Variants in HPS4 observed in about 807,000 individuals in gnomAD.
HPS4 encodes HPS4 biogenesis of lysosomal organelles complex 3 subunit 2, also known as BLOC-3 complex member HPS4.
In HPS4, 44 loss-of-function variants were observed where a neutral mutation model predicts 70.3. That is an observed-to-expected ratio of 0.63 (90% confidence interval 0.49 to 0.80). The LOEUF (loss-of-function observed/expected upper bound fraction) is 0.80. Among genes scored for constraint, HPS4 ranks in the 30% least tolerant of loss-of-function variants. The probability of loss-of-function intolerance (pLI) is 0.00; values close to 1 mark genes in which losing one functional copy is unlikely to be tolerated. For synonymous variants in HPS4, 377 were observed against 355.9 expected, an observed-to-expected ratio of 1.06 and a Z score of -0.67; for missense variants, 873 against 884.4, an observed-to-expected ratio of 0.99 and a Z score of 0.16.
At chr22:26,469,991 GGGAGGATCT>G in intron 7 of HPS4, among the ~76,000 whole-genome samples, 1 of 152,380 alleles carries the variant, frequency 6.6e-6, no homozygotes, top group Admixed American at 6.5e-5. Context: ...GGCGAAAGAA[GGGAGGATCT>G]GGGGCCGAGC....
At position 26,472,346 on chromosome 22, in the gene HPS4, G is replaced by A. The variant is rs765185989; in HGVS notation, c.457C>T (p.Leu153=). The A allele has an allele frequency of 3.1e-6, 5 of 1,613,442 alleles. No individual in the cohort carries two copies. Among genetic ancestry groups the A allele is most frequent in the Non-Finnish European group, 4.2e-6 (5 of 1,179,450 alleles). The part of the protein sequence containing the change: ...IEQILKNTSD[L]HKIFNSLWNL... ...CAGAGGGAATTGAAAATCTTATGCA[G>A]ATCACTGGTGTTTTTCAGAATTTGC... is the stretch of plus-strand genomic sequence containing the variant. The change falls in exon 6 of 14, where the codon CTG becomes TTG. Residue 153 remains leucine (L), a synonymous_variant. Coordinates refer to ENST00000398145, the MANE Select transcript of HPS4 (RefSeq NM_022081.6).
chr22:26,473,261 C>A (rs1490778655), intron 4 of HPS4, among the ~76,000 whole-genome samples: 1 of 152,192 alleles, frequency 6.6e-6, no homozygotes, highest in African/African-American at 2.4e-5. Context: ...ATAATGCTGA[C>A]CTTTTTTCTG....
intron 1 of HPS4, 140 bp from the exon 2 acceptor site, chr22:26,482,380 C>T (rs994891498): frequency 5.8e-5 from 9 of 155,346 alleles, no homozygotes; most frequent in African/African-American, 1.7e-4. Flanking sequence ...GGGAGGCTTG[C>T]AGAGACTTCA....
chr22:26,457,923 G>A lies in HPS4; in HGVS notation c.1891C>T (p.Gln631Ter), dbSNP rs119471021. 1.2e-6 allele frequency: 2 copies of A among 1,614,180 alleles called. No homozygotes were observed. Among genetic ancestry groups the A allele is most frequent in the East Asian group, 2.2e-5 (1 of 44,882 alleles). The change falls in exon 13 of 14, where the codon CAG becomes TAG. Residue 631 changes from glutamine (Q) to a stop codon, truncating the protein, a stop_gained. Transcript: ENST00000398145. LOFTEE classifies it high-confidence loss of function. Reference sequence around the variant, plus strand: ...TCGCTATGCATCAGGCTGACGGCCTGGAGGAAGCGGCGATCCTGCGGGGTG... The same window carrying A: ...TCGCTATGCATCAGGCTGACGGCCTAGAGGAAGCGGCGATCCTGCGGGGTG... Reference protein sequence around the residue: ...VATPQDRRFLQAVSLMHSEFA... With the variant: ...VATPQDRRFL
Position 26,450,891 on chromosome 22 carries a change from TA to T in HPS4, c.*2341del, listed in dbSNP as rs1601738145. 6.6e-6 allele frequency among the ~76,000 whole-genome samples: 1 copy of T among 152,218 alleles called. No homozygotes were observed. Among genetic ancestry groups the T allele is most frequent in the African/African-American group, 2.4e-5 (1 of 41,452 alleles). The stretch of plus-strand genomic sequence containing the variant: ...GAGTCAGTTAAACCTCTTTCCTTTA[TA>T]AAGTACCCAGTCTCGGGTATGTCTT... On this transcript the variant is annotated 3_prime_UTR_variant, in exon 14 of 14. Coordinates refer to ENST00000398145, the MANE Select transcript of HPS4 (RefSeq NM_022081.6).
At chr22:26,459,018 G>C (rs1338584794) in intron 11 of HPS4, among the ~76,000 whole-genome samples, 1 of 152,156 alleles carries the variant, frequency 6.6e-6, no homozygotes, top group African/African-American at 2.4e-5. Context: ...TCCAGTAATA[G>C]CCACTGTCAC....
chr22:26,471,731 G>C (rs1056434752), intron 6 of HPS4, among the ~76,000 whole-genome samples: 2 of 152,098 alleles, frequency 1.3e-5, no homozygotes, highest in Non-Finnish European at 2.9e-5. Flanking sequence ...ATTTACTATC[G>C]CAGTGAGACA....
intron 6 of HPS4, 42 bp downstream of exon 6, chr22:26,472,260 T>C (rs770175122): frequency 7.0e-6 from 8 of 1,149,610 alleles, no homozygotes; most frequent in South Asian, 3.7e-5. Flanking sequence ...CCAGAAGCCC[T>C]AGTCTTACAT....
rs1385560361 is a variant in HPS4, at chr22:26,457,908, T to C, written c.1906A>G (p.Met636Val). Reference sequence around the variant, plus strand: ...GGCAGCTGGGCAAATTCGCTATGCATCAGGCTGACGGCCTGGAGGAAGCGG... The same window carrying C: ...GGCAGCTGGGCAAATTCGCTATGCACCAGGCTGACGGCCTGGAGGAAGCGG... ...DRRFLQAVSL[M>V]HSEFAQLPAL... The change falls in exon 13 of 14, where the codon ATG (methionine) becomes GTG (valine). Residue 636 changes from methionine (M) to valine (V), a missense_variant. Transcript: ENST00000398145. 1 of 1,614,230 alleles carries C rather than the reference T, an allele frequency of 6.2e-7. No individual in the cohort carries two copies. Among genetic ancestry groups the C allele is most frequent in the East Asian group, 2.2e-5 (1 of 44,886 alleles).
intron 11 of HPS4, 95 bp downstream of exon 11, chr22:26,463,822 T>A: frequency 6.8e-6 from 9 of 1,330,396 alleles, no homozygotes; most frequent in Non-Finnish European, 9.6e-6. Flanking sequence ...GCTGAGCCTT[T>A]ATCTCTTCCC....
rs945526328 is a variant in HPS4, at chr22:26,463,812, G to C, written c.1713+105C>G. ...CTTGCCCAGGGTCACACAACTGAGG[G>C]CTGAGCCTTTATCTCTTCCCTGGGT... On this transcript the variant is annotated intron_variant, in intron 11 of 13. Transcript: ENST00000398145. 67 of 1,214,126 alleles carry C rather than the reference G, an allele frequency of 5.5e-5. No homozygotes were observed. In the African/African-American group the frequency reaches 9.6e-4, roughly 17 times the overall value. 75.2% of individuals were successfully genotyped at this position (1,214,126 alleles called of 1,614,324 possible). A position where few individuals can be genotyped will look rare whatever the true frequency, so the allele number is the denominator to read the frequency against.
At chr22:26,478,283 C>T (rs1035424408) in intron 3 of HPS4, among the ~76,000 whole-genome samples, 2 of 151,938 alleles carry the variant, frequency 1.3e-5, no homozygotes, top group Non-Finnish European at 2.9e-5. Flanking sequence ...ATAAAATTGG[C>T]AAAGTATTGC....
Position 26,464,701 on chromosome 22 carries a change from T to C in HPS4, c.929A>G (p.Asp310Gly). 6.2e-7 allele frequency: 1 copy of C among 1,607,324 alleles called. No individual in the cohort carries two copies. Among genetic ancestry groups the C allele is most frequent in the South Asian group, 1.1e-5 (1 of 90,586 alleles). The change falls in exon 11 of 14, where the codon GAT becomes GGT. Residue 310 changes from aspartate (D) to glycine (G), a missense_variant. Transcript: ENST00000398145. Reference sequence around the variant, plus strand: ...ACAAGCTTCGTCAGGGGATGTGGGATCTGGGGTGGTCCAGGCCATGGATTC... The same window carrying C: ...ACAAGCTTCGTCAGGGGATGTGGGACCTGGGGTGGTCCAGGCCATGGATTC... ...HVESMAWTTPDPTSPDEACPD... is the reference protein window; with the variant it reads ...HVESMAWTTPGPTSPDEACPD...
intron 11 of HPS4, among the ~76,000 whole-genome samples, chr22:26,460,883 A>G (rs1223478444): frequency 6.6e-6 from 1 of 152,282 alleles, no homozygotes; most frequent in Non-Finnish European, 1.5e-5. Flanking sequence ...TTCCATGTCC[A>G]TAAATAATTA....
chr22:26,450,788 T>A (rs1284122208), downstream of HPS4, among the ~76,000 whole-genome samples: 1 of 152,212 alleles, frequency 6.6e-6, no homozygotes, highest in Non-Finnish European at 1.5e-5. Flanking sequence ...GCTGCCACCA[T>A]GTGAAGAAGG....
intron 2 of HPS4, chr22:26,479,663 C>CT (rs2091058309): frequency 8.1e-7 from 1 of 1,234,970 alleles, no homozygotes; most frequent in African/African-American, 1.5e-5. Context: ...TGAACCTTAA[C>CT]TATACAACCA....
intron 2 of HPS4, chr22:26,479,666 T>C: frequency 2.5e-6 from 3 of 1,221,522 alleles, no homozygotes; most frequent in South Asian, 2.1e-5. Flanking sequence ...ACCTTAACTA[T>C]ACAACCACAT....
intron 11 of HPS4, among the ~76,000 whole-genome samples, chr22:26,461,421 C>T (rs1034778780): frequency 6.6e-6 from 1 of 152,086 alleles, no homozygotes; most frequent in East Asian, 1.9e-4. Flanking sequence ...GCCTATTCCA[C>T]TCCCTCTGAG....
chr22:26,481,952 T>C lies in HPS4; in HGVS notation c.-190A>G. 1 of 631,260 alleles carries C rather than the reference T, an allele frequency of 1.6e-6. No homozygotes were observed. The highest frequency in any genetic ancestry group is 2.8e-5 in the East Asian group (1 of 35,362). 39.1% of individuals were successfully genotyped at this position (631,260 alleles called of 1,614,324 possible). On this transcript the variant is annotated 5_prime_UTR_variant, in exon 2 of 14. Coordinates refer to ENST00000398145, the MANE Select transcript of HPS4 (RefSeq NM_022081.6). ...CATGGAAAGTTCCACTTCCCTTCCTTGCAGGTTCTTCAGTTTCATGTATAT... is the reference window on the plus strand; with the variant it reads ...CATGGAAAGTTCCACTTCCCTTCCTCGCAGGTTCTTCAGTTTCATGTATAT...
Sources: gnomAD v4.1 joint callset for allele counts (sites outside exome capture counted in the v4.1 genomes callset) on GRCh38, gnomAD v4.1.1 for gene constraint, MANE v1.5 for transcripts, NCBI Gene and HGNC (gene_info 2026-07-23, HGNC 2026-07-21) for gene names.